The following KCNT2 variants were observed in gnomAD, a reference collection of about 807,000 sequenced individuals.
The protein encoded by KCNT2 is potassium sodium-activated channel subfamily T member 2.
KCNT2 carries 67 observed loss-of-function variants against 153.8 expected under a neutral mutation model. The ratio of observed to expected loss-of-function variants is 0.44; its 90% confidence interval spans 0.36 to 0.53. The LOEUF is 0.53. Ranked by LOEUF, KCNT2 falls within the 20% of genes least tolerant of loss-of-function variation. The pLI, the probability that KCNT2 is intolerant of heterozygous loss-of-function variation, is 0.00. For missense variants in KCNT2, 975 were observed against 1,354.8 expected, an observed-to-expected ratio of 0.72 and a Z score of 4.40; for synonymous variants, 500 against 458.8, an observed-to-expected ratio of 1.09 and a Z score of -1.15.
At chr1:196,373,051 G>A (rs953265471) in intron 14 of KCNT2, 89 bp downstream of exon 14, 20 of 678,748 alleles carry the variant, frequency 2.9e-5, no homozygotes, top group South Asian at 6.7e-5. Flanking sequence ...AGCTGTATAC[G>A]TAGGCCTTCT....
intron 18 of KCNT2, among the ~76,000 whole-genome samples, chr1:196,329,764 C>T (rs963746989): frequency 1.4e-5 from 2 of 146,370 alleles, no homozygotes; most frequent in Non-Finnish European, 3.0e-5. Flanking sequence ...TAATAAGGAC[C>T]GCATATATAT....
At chr1:196,574,438 G>A (rs1401214632) in intron 1 of KCNT2, among the ~76,000 whole-genome samples, 3 of 151,770 alleles carry the variant, frequency 2.0e-5, no homozygotes, top group African/African-American at 7.3e-5. Context: ...AGTCATAGCT[G>A]TTAAACAACT....
At chr1:196,384,974 T>C (rs1247254505) in intron 13 of KCNT2, among the ~76,000 whole-genome samples, 1 of 152,086 alleles carries the variant, frequency 6.6e-6, no homozygotes, top group African/African-American at 2.4e-5. Flanking sequence ...AGGCAGATGC[T>C]ACTATCAACT....
chr1:196,369,021 T>C (rs967702342), intron 14 of KCNT2, among the ~76,000 whole-genome samples: 1 of 152,208 alleles, frequency 6.6e-6, no homozygotes, highest in South Asian at 2.1e-4. Context: ...GGCAAACTTC[T>C]GTGAATTCTA....
intron 7 of KCNT2, among the ~76,000 whole-genome samples, chr1:196,466,114 G>T (rs186940513): frequency 6.6e-6 from 1 of 152,150 alleles, no homozygotes; most frequent in Non-Finnish European, 1.5e-5. Flanking sequence ...AATGGAAAAT[G>T]AATCATAAAT....
intron 1 of KCNT2, among the ~76,000 whole-genome samples, chr1:196,585,377 A>G (rs1662552157): frequency 6.6e-6 from 1 of 152,172 alleles, no homozygotes; most frequent in African/African-American, 2.4e-5. Flanking sequence ...ATAAACTGTG[A>G]AGAGAGGAAA....
At chr1:196,284,230 T>TAAAA (rs1190571024) in intron 23 of KCNT2, among the ~76,000 whole-genome samples, 79 of 2,970 alleles carry the variant, frequency 0.027, 21 homozygotes, top group African/African-American at 0.046. Context: ...GACTCTGTCT[T>TAAAA]AAAAAAAAAA....
chr1:196,606,185 G>A (rs989629146), intron 1 of KCNT2, among the ~76,000 whole-genome samples: 2 of 152,142 alleles, frequency 1.3e-5, no homozygotes, highest in Non-Finnish European at 2.9e-5. Flanking sequence ...TTATAAGGTA[G>A]ACAGTATAAT....
At chr1:196,477,882 G>A (rs541829224) in intron 5 of KCNT2, among the ~76,000 whole-genome samples, 1 of 152,170 alleles carries the variant, frequency 6.6e-6, no homozygotes, top group African/African-American at 2.4e-5. Context: ...TTACTATCAG[G>A]TCTTAATAGT....
At chr1:196,371,887 G>C (rs1668570359) in intron 14 of KCNT2, among the ~76,000 whole-genome samples, 1 of 152,056 alleles carries the variant, frequency 6.6e-6, no homozygotes, top group Non-Finnish European at 1.5e-5. Context: ...CAACAATGAA[G>C]TTGCCTAGAT....
chr1:196,338,948 CAAAAAA>C (rs976388530), intron 16 of KCNT2, among the ~76,000 whole-genome samples: 3 of 37,734 alleles, frequency 8.0e-5, no homozygotes, highest in East Asian at 1.3e-3. Flanking sequence ...TGCTTTTTAG[CAAAAAA>C]AAAAAAAAAA....
chr1:196,443,094 A>T (rs1675385695), intron 8 of KCNT2, among the ~76,000 whole-genome samples: 1 of 151,628 alleles, frequency 6.6e-6, no homozygotes, highest in Non-Finnish European at 1.5e-5. Flanking sequence ...GTATTCTGTA[A>T]CAAAGCAGGA....
chr1:196,355,146 A>G (rs2148239392), intron 14 of KCNT2, among the ~76,000 whole-genome samples: 1 of 151,832 alleles, frequency 6.6e-6, no homozygotes, highest in Middle Eastern at 3.4e-3. Context: ...GTAAGTCTGC[A>G]GATAGAACTG....
intron 16 of KCNT2, among the ~76,000 whole-genome samples, chr1:196,338,682 T>G (rs1665274006): frequency 6.6e-6 from 1 of 151,520 alleles, no homozygotes; most frequent in Non-Finnish European, 1.5e-5. Flanking sequence ...GGTGGCAGGA[T>G]GGAGAATTAA....
chr1:196,469,574 C>A (rs568099923), intron 5 of KCNT2, among the ~76,000 whole-genome samples: 1 of 152,232 alleles, frequency 6.6e-6, no homozygotes, highest in Non-Finnish European at 1.5e-5. Flanking sequence ...CCTCATAATA[C>A]AAACATATTA....
chr1:196,308,898 A>T (rs1457623806), intron 21 of KCNT2, among the ~76,000 whole-genome samples: 1 of 152,074 alleles, frequency 6.6e-6, no homozygotes, highest in Admixed American at 6.6e-5. Flanking sequence ...TTTATAAATT[A>T]CTTCAATTTA....
At chr1:196,346,078 A>G (rs1380437442) in intron 14 of KCNT2, among the ~76,000 whole-genome samples, 1 of 152,086 alleles carries the variant, frequency 6.6e-6, no homozygotes, top group Non-Finnish European at 1.5e-5. Context: ...TCATAATAAT[A>G]TTCTTATACC....
intron 1 of KCNT2, among the ~76,000 whole-genome samples, chr1:196,510,406 C>T (rs1430684698): frequency 6.6e-6 from 1 of 151,994 alleles, no homozygotes; most frequent in Non-Finnish European, 1.5e-5. Flanking sequence ...GCAGTCTAAG[C>T]CTGGAGCCCA....
intron 26 of KCNT2, among the ~76,000 whole-genome samples, chr1:196,256,339 A>G (rs1656491693): frequency 6.6e-6 from 1 of 151,986 alleles, no homozygotes; most frequent in Non-Finnish European, 1.5e-5. Context: ...TGAAAAAATT[A>G]AGCCAAACAA....
Sources: allele counts gnomAD v4.1 joint callset (sites outside exome capture counted in the v4.1 genomes callset), GRCh38; gene constraint gnomAD v4.1.1; transcripts MANE v1.5; gene names NCBI Gene and HGNC (gene_info 2026-07-23, HGNC 2026-07-21).